The following ARMH1 variants were observed in gnomAD, a reference collection of about 807,000 sequenced individuals.
ARMH1 encodes the protein armadillo-like helical domain containing protein 1.
Under a neutral mutation model 50.2 loss-of-function variants are expected in ARMH1, and 34 were observed. That is an observed-to-expected ratio of 0.68 (90% CI 0.51 to 0.90). The LOEUF (loss-of-function observed/expected upper bound fraction) is 0.90. Among genes scored for constraint, ARMH1 ranks in the 40% least tolerant of loss-of-function variants. The pLI, the probability that ARMH1 is intolerant of heterozygous loss-of-function variation, is 0.00. For synonymous variants in ARMH1, 221 were observed against 224.2 expected, an observed-to-expected ratio of 0.99 and a Z score of 0.13; for missense variants, 538 against 553.9, an observed-to-expected ratio of 0.97 and a Z score of 0.29.
At chr1:44,722,849 G>T (rs1172808540) in intron 6 of ARMH1, among the ~76,000 whole-genome samples, 1 of 141,600 alleles carries the variant, frequency 7.1e-6, no homozygotes, top group Non-Finnish European at 1.5e-5. Context: ...CACGAGGTCA[G>T]AAGTTCAAGA....
intron 1 of ARMH1, among the ~76,000 whole-genome samples, chr1:44,685,771 GCA>G (rs1645450587): frequency 6.6e-6 from 1 of 152,026 alleles, no homozygotes; most frequent in Non-Finnish European, 1.5e-5. Flanking sequence ...GGGACTACAG[GCA>G]CGCGCCACCA....
At chr1:44,703,820 G>A (rs1188934117) in intron 5 of ARMH1, among the ~76,000 whole-genome samples, 4 of 150,228 alleles carry the variant, frequency 2.7e-5, no homozygotes, top group African/African-American at 4.9e-5. Flanking sequence ...TCTGCCTCCC[G>A]GGTTCACGCC....
rs1330571639 is a variant in ARMH1, at chr1:44,704,084, G to A, written c.640-5G>A. On this transcript the variant is annotated splice_region_variant and splice_polypyrimidine_tract_variant and intron_variant, in intron 5 of 11. Coordinates refer to ENST00000535358, the MANE Select transcript of ARMH1 (RefSeq NM_001145636.2). ...ACCACCTTGTCCTGTTGTCTGTCTGGTCAGCCAATCATTGGGACCACACAC... is the reference window on the plus strand; with the variant it reads ...ACCACCTTGTCCTGTTGTCTGTCTGATCAGCCAATCATTGGGACCACACAC... The A allele has an allele frequency of 1.3e-6, 2 of 1,549,762 alleles. No individual in the cohort carries two copies. Among genetic ancestry groups the A allele is most frequent in the Non-Finnish European group, 1.7e-6 (2 of 1,145,728 alleles).
Position 44,699,145 on chromosome 1 carries a change from A to G in ARMH1, c.442+916A>G, listed in dbSNP as rs1306616375. The stretch of plus-strand genomic sequence containing the variant: ...AAAATACAAAAAAAAATTCAAACGC[A>G]TGGTGGCACGCACCTGTAATGGCAG... On this transcript the variant is annotated intron_variant, in intron 4 of 11. Coordinates refer to ENST00000535358, the MANE Select transcript of ARMH1 (RefSeq NM_001145636.2). 2.0e-5 allele frequency among the ~76,000 whole-genome samples: 3 copies of G among 151,794 alleles called. No homozygotes were observed. The East Asian group carries it at 5.9e-4, about 30-fold the overall frequency.
At chr1:44,719,891 G>C (rs1647014125) in intron 6 of ARMH1, among the ~76,000 whole-genome samples, 1 of 152,136 alleles carries the variant, frequency 6.6e-6, no homozygotes, top group African/African-American at 2.4e-5. Context: ...TGGCTTCAAA[G>C]CACTCTCAAA....
At position 44,712,263 on chromosome 1, in the gene ARMH1, A is replaced by G. The variant is rs1347762337; in HGVS notation, c.724+8090A>G. 2.6e-5 allele frequency among the ~76,000 whole-genome samples: 4 copies of G among 152,326 alleles called. No homozygotes were observed. The East Asian group carries it at 7.7e-4, about 29-fold the overall frequency. ...CACCTGAGGCCAGGAGTTCGAGACC[A>G]GCCTGGGCAACAAGGTGAAATCCTC... On this transcript the variant is annotated intron_variant, in intron 6 of 11. Transcript: ENST00000535358.
intron 1 of ARMH1, among the ~76,000 whole-genome samples, chr1:44,687,717 T>C (rs960767765): frequency 1.3e-5 from 2 of 152,196 alleles, no homozygotes; most frequent in African/African-American, 4.8e-5. Flanking sequence ...CGGTACCTTA[T>C]ACAGAGCCAC....
chr1:44,709,288 T>G (rs1355422708), intron 6 of ARMH1, among the ~76,000 whole-genome samples: 3 of 152,260 alleles, frequency 2.0e-5, no homozygotes, highest in Non-Finnish European at 1.5e-5. Flanking sequence ...CTGTATACTT[T>G]TTCCCTAAGT....
Position 44,683,375 on chromosome 1 carries a change from C to T in ARMH1, c.-22-6301C>T, listed in dbSNP as rs1208895884. Among the ~76,000 whole-genome samples, 2 of 152,122 alleles carry T rather than the reference C, an allele frequency of 1.3e-5. No homozygotes were observed. The highest frequency in any genetic ancestry group is 2.9e-5 in the Non-Finnish European group (2 of 68,036). ...AGGTGGGAGGCCCAGACTGAGGAGA[C>T]GGATTTGAGAGTCGTGCGCCTATAA... On this transcript the variant is annotated intron_variant, in intron 1 of 11. Coordinates refer to ENST00000535358, the MANE Select transcript of ARMH1 (RefSeq NM_001145636.2). This position sits in a 1 kb window ranked among gnomAD's most constrained non-coding sequence, Gnocchi z 4.2.
intron 1 of ARMH1, chr1:44,689,247 G>A (rs1470015473): frequency 5.9e-6 from 1 of 169,380 alleles, no homozygotes; most frequent in Non-Finnish European, 1.3e-5. Context: ...ATGTTTAGTA[G>A]AGACAGGGTT....
intron 2 of ARMH1, 58 bp from the exon 3 acceptor site, chr1:44,697,044 G>C (rs546473260): frequency 9.0e-5 from 119 of 1,324,980 alleles, no homozygotes; most frequent in Middle Eastern, 1.8e-4. Flanking sequence ...ATCAGGCACG[G>C]GCTCTGGCTT....
chr1:44,701,919 G>A (rs1482107761), intron 5 of ARMH1, among the ~76,000 whole-genome samples: 6 of 146,242 alleles, frequency 4.1e-5, no homozygotes, highest in East Asian at 2.0e-4. Context: ...AGTGAGACTC[G>A]TGTCAAAAAA....
chr1:44,678,723 G>A (rs1645213080), intron 1 of ARMH1, among the ~76,000 whole-genome samples: 1 of 152,098 alleles, frequency 6.6e-6, no homozygotes, highest in African/African-American at 2.4e-5. Context: ...GGCCATGTGG[G>A]GACAGTGAGC....
chr1:44,703,873 C>G (rs921830432), intron 5 of ARMH1, among the ~76,000 whole-genome samples: 4 of 151,024 alleles, frequency 2.6e-5, no homozygotes, highest in Admixed American at 2.0e-4. Context: ...ACTACAGGCG[C>G]CTGGCACCAC....
chr1:44,720,614 G>A (rs1011321016), intron 6 of ARMH1, among the ~76,000 whole-genome samples: 1 of 152,178 alleles, frequency 6.6e-6, no homozygotes, highest in African/African-American at 2.4e-5. Flanking sequence ...CGGTGCTACG[G>A]GTTCAGAGAC....
chr1:44,708,646 G>A (rs1646448868), intron 6 of ARMH1, among the ~76,000 whole-genome samples: 1 of 152,122 alleles, frequency 6.6e-6, no homozygotes, highest in South Asian at 2.1e-4. Flanking sequence ...GGAGGCGGAG[G>A]GGCTTAGGGG....
In ARMH1 at chr1:44,724,662, G is replaced by C. The variant is rs961848655; in HGVS notation, c.1044G>C (p.Thr348=). ...HSNSQRLASL[T]LECFVQMFPL... ...ACAGCCAGCGGCTGGCCAGCCTCAC[G>C]CTGGAGGTGCGCGCGGCGGCTGGTT... Residue 348 remains threonine, a synonymous_variant, in exon 9 of 12, where the codon ACG becomes ACC. Transcript: ENST00000535358. The surrounding 1 kb of genome is among the most constrained non-coding windows in gnomAD (Gnocchi z 6.4). The C allele has an allele frequency of 4.7e-6, 7 of 1,493,710 alleles. No homozygotes were observed. The highest frequency in any genetic ancestry group is 4.6e-4 in the Middle Eastern group (2 of 4,314). The allele number at this position is 1,493,710 out of a possible 1,614,324, so 92.5% of individuals were successfully genotyped here.
At chr1:44,676,485 G>A (rs11582807) in intron 1 of ARMH1, among the ~76,000 whole-genome samples, 67,333 of 151,994 alleles carry the variant, frequency 0.44, 15,577 homozygotes, top group African/African-American at 0.57. Flanking sequence ...CCAAGTTTGA[G>A]GGTCTGGCAA....
intron 5 of ARMH1, among the ~76,000 whole-genome samples, chr1:44,703,540 TG>T (rs1454315854): frequency 2.3e-5 from 3 of 133,010 alleles, no homozygotes; most frequent in African/African-American, 8.3e-5. Flanking sequence ...CTGGTCAACA[TG>T]GGGAAACTCC....
Sources: allele counts gnomAD v4.1 joint callset (sites outside exome capture counted in the v4.1 genomes callset), GRCh38; gene constraint gnomAD v4.1.1; non-coding constraint Gnocchi (gnomAD v3.1); transcripts MANE v1.5; gene names NCBI Gene and HGNC (gene_info 2026-07-23, HGNC 2026-07-21).